Variants in TPRG1L observed in about 807,000 individuals in gnomAD.
The protein encoded by TPRG1L is tumor protein p63 regulated 1 like.
TPRG1L carries 25 observed loss-of-function variants against 29.4 expected under a neutral mutation model. The ratio of observed to expected loss-of-function variants is 0.85; its 90% confidence interval spans 0.62 to 1.19. The LOEUF is 1.19. Among genes scored for constraint, TPRG1L ranks in the 50% most tolerant of loss-of-function variants. TPRG1L has a pLI of 0.00. For missense variants in TPRG1L, 354 were observed against 364.4 expected, an observed-to-expected ratio of 0.97 and a Z score of 0.23; for synonymous variants, 182 against 151.1, an observed-to-expected ratio of 1.20 and a Z score of -1.50.
intron 3 of TPRG1L, among the ~76,000 whole-genome samples, chr1:3,627,144 C>G (rs1051221090): frequency 3.9e-5 from 6 of 151,908 alleles, no homozygotes; most frequent in Admixed American, 6.6e-5. Flanking sequence ...AACCCTGTCT[C>G]TACTAAAAAT....
chr1:3,627,259 A>G (rs988685137), intron 3 of TPRG1L, among the ~76,000 whole-genome samples: 6 of 152,216 alleles, frequency 3.9e-5, no homozygotes, highest in African/African-American at 4.8e-5. Flanking sequence ...GCAGCGAGCC[A>G]ACATCAGGCC....
At position 3,625,119 on chromosome 1, in the gene TPRG1L, CG is replaced by C; in HGVS notation, c.49del (p.Ala17ArgfsTer119). On this transcript the variant is annotated frameshift_variant, in exon 1 of 5. Coordinates refer to ENST00000378344, the MANE Select transcript of TPRG1L (RefSeq NM_182752.4). LOFTEE classifies it high-confidence loss of function. ...GTGGACTCGGCCGGTACGAGCCCCA[CG>C]GCGGTGCTGGCGGCCGGCGAGGAGG... is the stretch of plus-strand genomic sequence containing the variant. Reference protein sequence around the residue: ...DSVDSAGTSPTAVLAAGEEVG... With the variant: ...DSVDSAGTSPXAVLAAGEEVG... 8.2e-7 allele frequency: 1 copy of C among 1,225,190 alleles called. No homozygotes were observed. The highest frequency in any genetic ancestry group is 1.0e-6 in the Non-Finnish European group (1 of 977,844). The allele number at this position is 1,225,190 out of a possible 1,614,324, so 75.9% of individuals were successfully genotyped here.
Position 3,625,824 on chromosome 1 carries a change from A to C in TPRG1L, c.405A>C (p.Ile135=). 6.2e-7 allele frequency: 1 copy of C among 1,613,584 alleles called. No homozygotes were observed. Among genetic ancestry groups the C allele is most frequent in the Non-Finnish European group, 8.5e-7 (1 of 1,180,020 alleles). ...TCCAGTGCCAGCAGGTGGTGCGGATAGCGCTCAACGCAGTAGACACCATTT... is the reference window on the plus strand; with the variant it reads ...TCCAGTGCCAGCAGGTGGTGCGGATCGCGCTCAACGCAGTAGACACCATTT... The part of the protein sequence containing the change: ...ISLQCQQVVR[I]ALNAVDTISY... Residue 135 remains isoleucine (I), a synonymous_variant, in exon 3 of 5, where the codon ATA becomes ATC. Transcript: ENST00000378344.
chr1:3,628,508 C>T lies in TPRG1L; in HGVS notation c.724C>T (p.Pro242Ser), dbSNP rs974823350. Residue 242 changes from proline (P) to serine (S), a missense_variant, in exon 5 of 5, where the codon CCC becomes TCC. Coordinates refer to ENST00000378344, the MANE Select transcript of TPRG1L (RefSeq NM_182752.4). Reference protein sequence around the residue: ...QANGVLILERPLLIETYVGLM... With the variant: ...QANGVLILERSLLIETYVGLM... ...GAATGGCGTGCTGATCCTGGAGCGC[C>T]CCCTGCTCATCGAGACCTACGTGGG... 3 of 1,614,116 alleles carry T rather than the reference C, an allele frequency of 1.9e-6. No individual in the cohort carries two copies. The highest frequency in any genetic ancestry group is 1.3e-5 in the African/African-American group (1 of 75,052).
Position 3,625,766 on chromosome 1 carries a change from C to T in TPRG1L, c.347C>T (p.Ser116Phe), listed in dbSNP as rs1318842523. The change falls in exon 3 of 5, where the codon TCC (serine) becomes TTC (phenylalanine). Residue 116 changes from serine (S) to phenylalanine (F), a missense_variant. Ser to Phe is a radical substitution (Grantham distance 155). Transcript: ENST00000378344. ...CGGCTGGTGCTGGTCACGGAGCAGT[C>T]CCTGCTTATCTGTAAATACGACTTC... ...KERLVLVTEQ[S>F]LLICKYDFIS... The T allele has an allele frequency of 1.2e-6, 2 of 1,613,470 alleles. No homozygotes were observed. Among genetic ancestry groups the T allele is most frequent in the African/African-American group, 2.7e-5 (2 of 74,942 alleles).
rs1261018918 is a variant in TPRG1L, at chr1:3,625,704, T to C, written c.294-9T>C. ...CCAGTGTGGACTGAGGCCCCTCCTC[T>C]GCCTACAGGGTGGATCACTGGAACA... On this transcript the variant is annotated splice_polypyrimidine_tract_variant and intron_variant, in intron 2 of 4. Transcript: ENST00000378344. The C allele has an allele frequency of 2.5e-6, 4 of 1,607,882 alleles. No individual in the cohort carries two copies. The highest frequency in any genetic ancestry group is 1.7e-5 in the Admixed American group (1 of 59,770).
chr1:3,625,537 C>A lies in TPRG1L; in HGVS notation c.293+22C>A, dbSNP rs747976526. ...CCGAGTAAGCCGGGGCTGCGCTCTC[C>A]TTGGTGGGGGGACTCGCCCCGAGCC... On this transcript the variant is annotated intron_variant, in intron 2 of 4. Coordinates refer to ENST00000378344, the MANE Select transcript of TPRG1L (RefSeq NM_182752.4). The A allele has an allele frequency of 6.3e-6, 10 of 1,580,798 alleles. No homozygotes were observed. In the East Asian group the frequency reaches 2.1e-4, roughly 33 times the overall value.
At chr1:3,625,977 G>A in intron 3 of TPRG1L, 88 bp downstream of exon 3, 2 of 1,272,632 alleles carry the variant, frequency 1.6e-6, no homozygotes, top group South Asian at 1.5e-5. Flanking sequence ...CCCCCAAGCG[G>A]TGTGTCTTCT....
intron 3 of TPRG1L, 28 bp from the exon 4 acceptor site, chr1:3,627,472 A>G: frequency 6.2e-7 from 1 of 1,612,912 alleles, no homozygotes; most frequent in Non-Finnish European, 8.5e-7. Flanking sequence ...TGCCATGCTA[A>G]GTCTGGCTAT....
Position 3,625,324 on chromosome 1 carries a change from G to A in TPRG1L, c.201+51G>A, listed in dbSNP as rs776347644. The A allele has an allele frequency of 1.9e-4, 284 of 1,501,844 alleles. 3 individuals are homozygous for A. The Middle Eastern group carries it at 3.8e-3, about 20-fold the overall frequency. The allele number at this position is 1,501,844 out of a possible 1,614,324, so 93.0% of individuals were successfully genotyped here. On this transcript the variant is annotated intron_variant, in intron 1 of 4. Coordinates refer to ENST00000378344, the MANE Select transcript of TPRG1L (RefSeq NM_182752.4). ...GGGGGCCGAGGGCGCGGGGCGGGAT[G>A]GGGGCGGGTGGGGTCGGAGGCGGGC...
Position 3,625,527 on chromosome 1 carries a change from C to A in TPRG1L, c.293+12C>A. 6.3e-7 allele frequency: 1 copy of A among 1,591,844 alleles called. No homozygotes were observed. Among genetic ancestry groups the A allele is most frequent in the Non-Finnish European group, 8.5e-7 (1 of 1,171,138 alleles). On this transcript the variant is annotated intron_variant, in intron 2 of 4. Coordinates refer to ENST00000378344, the MANE Select transcript of TPRG1L (RefSeq NM_182752.4). ...TGGCTGCTTACCGAGTAAGCCGGGG[C>A]TGCGCTCTCCTTGGTGGGGGGACTC... is the stretch of plus-strand genomic sequence containing the variant.
rs983792738 is a variant in TPRG1L, at chr1:3,625,270, C to T, written c.198C>T (p.Phe66=). Residue 66 remains phenylalanine, a synonymous_variant, in exon 1 of 5, where the codon TTC becomes TTT. Coordinates refer to ENST00000378344, the MANE Select transcript of TPRG1L (RefSeq NM_182752.4). ...CCCGCGTCAAGGAGTACTTCGTGTT[C>T]CGGGTGAGGCAGGGGCCAGGGCCGG... The part of the protein sequence containing the change: ...RRARVKEYFV[F]RPGSIEQAVE... 52 of 1,392,446 alleles carry T rather than the reference C, an allele frequency of 3.7e-5. No individual in the cohort carries two copies. The highest frequency in any genetic ancestry group is 4.7e-5 in the Non-Finnish European group (51 of 1,081,818). 86.3% of individuals were successfully genotyped at this position (1,392,446 alleles called of 1,614,324 possible). A position where few individuals can be genotyped will look rare whatever the true frequency, so the allele number is the denominator to read the frequency against.
chr1:3,628,986 G>T lies in TPRG1L; in HGVS notation c.*383G>T. On this transcript the variant is annotated 3_prime_UTR_variant, in exon 5 of 5. Coordinates refer to ENST00000378344, the MANE Select transcript of TPRG1L (RefSeq NM_182752.4). ...CGGGACCCATAGCACACCCCTTAGC[G>T]CTTGCCTAGGTTGCTGAAAACAGGG... The T allele has an allele frequency of 5.9e-6, 1 of 169,546 alleles. No homozygotes were observed. The highest frequency in any genetic ancestry group is 1.6e-4 in the East Asian group (1 of 6,324). The allele number at this position is 169,546 out of a possible 1,614,324, so 10.5% of individuals were successfully genotyped here. A position where few individuals can be genotyped will look rare whatever the true frequency, so the allele number is the denominator to read the frequency against.
At position 3,628,669 on chromosome 1, in the gene TPRG1L, TGTG is replaced by T. The variant is rs1644505851; in HGVS notation, c.*68_*70del. The T allele has an allele frequency of 1.4e-6, 2 of 1,468,510 alleles. No homozygotes were observed. The allele number at this position is 1,468,510 out of a possible 1,614,324, so 91.0% of individuals were successfully genotyped here. A position where few individuals can be genotyped will look rare whatever the true frequency, so the allele number is the denominator to read the frequency against. ...TCCCCCTCCCCAGAAGGCCAAGGGA[TGTG>T]GGGGCTGGGGGACTGGGAGGCCTGG... On this transcript the variant is annotated 3_prime_UTR_variant, in exon 5 of 5. Coordinates refer to ENST00000378344, the MANE Select transcript of TPRG1L (RefSeq NM_182752.4).
At position 3,625,285 on chromosome 1, in the gene TPRG1L, G is replaced by A. The variant is rs1451929132; in HGVS notation, c.201+12G>A. 2.1e-6 allele frequency: 3 copies of A among 1,419,928 alleles called. No homozygotes were observed. In the South Asian group the frequency reaches 4.7e-5, roughly 22 times the overall value. 88.0% of individuals were successfully genotyped at this position (1,419,928 alleles called of 1,614,324 possible). ...ACTTCGTGTTCCGGGTGAGGCAGGG[G>A]CCAGGGCCGGGGCGGGGGCCGAGGG... On this transcript the variant is annotated intron_variant, in intron 1 of 4. Coordinates refer to ENST00000378344, the MANE Select transcript of TPRG1L (RefSeq NM_182752.4).
Position 3,628,686 on chromosome 1 carries a change from T to A in TPRG1L, c.*83T>A. 7.1e-7 allele frequency: 1 copy of A among 1,404,040 alleles called. No homozygotes were observed. Among genetic ancestry groups the A allele is most frequent in the Non-Finnish European group, 9.7e-7 (1 of 1,035,344 alleles). The allele number at this position is 1,404,040 out of a possible 1,614,324, so 87.0% of individuals were successfully genotyped here. A position where few individuals can be genotyped will look rare whatever the true frequency, so the allele number is the denominator to read the frequency against. On this transcript the variant is annotated 3_prime_UTR_variant, in exon 5 of 5. Coordinates refer to ENST00000378344, the MANE Select transcript of TPRG1L (RefSeq NM_182752.4). ...CCAAGGGATGTGGGGGCTGGGGGAC[T>A]GGGAGGCCTGGCAGTCTTCATGCTG...
chr1:3,628,528 C>T lies in TPRG1L; in HGVS notation c.744C>T (p.Tyr248=), dbSNP rs762791570. 6.8e-6 allele frequency: 11 copies of T among 1,613,936 alleles called. No homozygotes were observed. The highest frequency in any genetic ancestry group is 4.0e-5 in the African/African-American group (3 of 74,922). ...AGCGCCCCCTGCTCATCGAGACCTA[C>T]GTGGGACTCATGTCCTTCATTAACA... ...ILERPLLIET[Y]VGLMSFINNE... is the part of the protein sequence containing the mutation. The change falls in exon 5 of 5, where the codon TAC becomes TAT. Residue 248 remains tyrosine, a synonymous_variant. Coordinates refer to ENST00000378344, the MANE Select transcript of TPRG1L (RefSeq NM_182752.4).
In TPRG1L at chr1:3,629,564, AACAG is replaced by A. The variant is rs1414418114; in HGVS notation, c.*965_*968del. On this transcript the variant is annotated 3_prime_UTR_variant, in exon 5 of 5. Coordinates refer to ENST00000378344, the MANE Select transcript of TPRG1L (RefSeq NM_182752.4). The stretch of plus-strand genomic sequence containing the variant: ...AACATGGTGAAACCCGTCTCTACCA[AACAG>A]ACAAAAAGCAGCCAGGCGTGGTGGC... 1.0e-5 allele frequency: 1 copy of A among 97,912 alleles called. No homozygotes were observed. The highest frequency in any genetic ancestry group is 2.5e-5 in the Non-Finnish European group (1 of 39,582). 6.1% of individuals were successfully genotyped at this position (97,912 alleles called of 1,614,324 possible).
At position 3,625,898 on chromosome 1, in the gene TPRG1L, G is replaced by A. The variant is rs373316512; in HGVS notation, c.470+9G>A. ...CCTAAATCGCTCAACAAGTAAGCCT[G>A]TTCAGAGTCCAGTATCACTGGACCT... On this transcript the variant is annotated intron_variant, in intron 3 of 4. Coordinates refer to ENST00000378344, the MANE Select transcript of TPRG1L (RefSeq NM_182752.4). 12 of 1,606,242 alleles carry A rather than the reference G, an allele frequency of 7.5e-6. No homozygotes were observed. The African/African-American group carries it at 1.3e-4, about 18-fold the overall frequency.
Sources: gnomAD v4.1 joint callset for allele counts (sites outside exome capture counted in the v4.1 genomes callset) on GRCh38, gnomAD v4.1.1 for gene constraint, MANE v1.5 for transcripts, NCBI Gene and HGNC (gene_info 2026-07-23, HGNC 2026-07-21) for gene names.